TRIM66: variants seen among roughly 807,000 people sequenced by gnomAD.
TRIM66 encodes tripartite motif-containing protein 66.
A neutral mutation model predicts 148.2 loss-of-function variants in TRIM66; 99 were observed. The ratio of observed to expected loss-of-function variants is 0.67; its 90% CI spans 0.57 to 0.79. The LOEUF is 0.79. TRIM66 is among the 30% of genes least tolerant of loss of function. The pLI is 0.00. For synonymous variants in TRIM66, 616 were observed against 635.9 expected (o/e 0.97, Z 0.47); for missense variants, 1,666 against 1,697.9 (o/e 0.98, Z 0.33).
rs754414913 is a variant in TRIM66 at position 8,648,500 on chromosome 11, G to C, written c.641C>G (p.Thr214Arg). The C allele has an allele frequency of 1.3e-6, 2 of 1,551,714 alleles. No individual in the cohort carries two copies. The highest frequency in any genetic ancestry group is 1.7e-6 in the Non-Finnish European group (2 of 1,146,984). Reference sequence around the variant, plus strand: ...ACAGAATAGCTTGAGTACTTCCTGTGTGTGTAGAGGACAATACAAGGTGAA... The same window carrying C: ...ACAGAATAGCTTGAGTACTTCCTGTCTGTGTAGAGGACAATACAAGGTGAA... ...GDFTLYCPLH[T>R]QEVLKLFCET... is the part of the protein sequence containing the mutation. The change falls in exon 9 of 25, where the codon ACA (threonine) becomes AGA (arginine). Residue 214 changes from threonine (T) to arginine (R), a missense_variant. By Grantham distance (71) the Thr-to-Arg change is moderately conservative. This residue lies in a region of TRIM66 where 1,431 missense variants were observed against 1,412.4 expected (regional missense o/e 1.01). Transcript: ENST00000646038.
Position 8,679,714 on chromosome 11 carries a change from CGAT to C in TRIM66, c.-287_-285del, listed in dbSNP as rs1168539547. The C allele has an allele frequency of 2.6e-5, 4 of 152,644 alleles. No homozygotes were observed. The highest frequency in any genetic ancestry group is 9.7e-5 in the African/African-American group (4 of 41,438). 9.5% of individuals were successfully genotyped at this position (152,644 alleles called of 1,614,324 possible). On this transcript the variant is annotated 5_prime_UTR_variant, in exon 3 of 25. Coordinates refer to ENST00000646038, the MANE Select transcript of TRIM66 (RefSeq NM_001388022.1). ...GCCAGTTTTGATGTCAAATAGACGACGATGTCTTCTTTGATCTCCCCTCCTATT... is the reference window on the plus strand; with the variant it reads ...GCCAGTTTTGATGTCAAATAGACGACGTCTTCTTTGATCTCCCCTCCTATT...
Position 8,638,701 on chromosome 11 carries a change from G to T in TRIM66, c.2263C>A (p.Pro755Thr), listed in dbSNP as rs552361700. The stretch of plus-strand genomic sequence containing the variant: ...GAGTGCTGGATGGTGCTGTCCACTG[G>T]GGGGACACTGAGAGGGGTTTCTTCC... ...SGEETPLSVP[P>T]VDSTIQHSSP... The change falls in exon 15 of 25, where the codon CCA (proline) becomes ACA (threonine). Residue 755 changes from proline (P) to threonine (T), a missense_variant. Transcript: ENST00000646038. 2 of 1,549,566 alleles carry T rather than the reference G, an allele frequency of 1.3e-6. No individual in the cohort carries two copies. The highest frequency in any genetic ancestry group is 2.4e-5 in the South Asian group (2 of 83,878).
rs1483209145 is a variant in TRIM66, at chr11:8,613,387, A to G, written c.*4557T>C. ...TGGTGTGAAATGCTGCGGAGAGGTC[A>G]AGACAGCTGAGCACTGAAAGGTATT... On this transcript the variant is annotated 3_prime_UTR_variant, in exon 25 of 25. Coordinates refer to ENST00000646038, the MANE Select transcript of TRIM66 (RefSeq NM_001388022.1). The G allele has an allele frequency of 6.6e-6, 1 of 152,276 alleles. No homozygotes were observed. Among genetic ancestry groups the G allele is most frequent in the Non-Finnish European group, 1.5e-5 (1 of 68,074 alleles). 9.4% of individuals were successfully genotyped at this position (152,276 alleles called of 1,614,324 possible). A position where few individuals can be genotyped will look rare whatever the true frequency, so the allele number is the denominator to read the frequency against.
At chr11:8,644,131 C>G (rs1369139092) in intron 12 of TRIM66, among the ~76,000 whole-genome samples, 1 of 152,160 alleles carries the variant, frequency 6.6e-6, no homozygotes, top group Non-Finnish European at 1.5e-5. Context: ...TGTTCAACCT[C>G]TCCAAGCCCT....
At position 8,671,844 on chromosome 11, in the gene TRIM66, G is replaced by C; in HGVS notation, c.282C>G (p.Phe94Leu). The C allele has an allele frequency of 6.5e-7, 1 of 1,531,884 alleles. No individual in the cohort carries two copies. Among genetic ancestry groups the C allele is most frequent in the East Asian group, 2.4e-5 (1 of 40,902 alleles). The allele number at this position is 1,531,884 out of a possible 1,614,324, so 94.9% of individuals were successfully genotyped here. ...SCQHLLRKDC[F>L]QGLIQELGQI... ...GCCCTAGCTCCTGTATCAAGCCCTG[G>C]AAGCAGTCCTTACGGAGCAAATGCT... is the stretch of plus-strand genomic sequence containing the variant. Residue 94 changes from phenylalanine to leucine, a missense_variant, in exon 6 of 25, where the codon TTC becomes TTG. Transcript: ENST00000646038.
intron 15 of TRIM66, among the ~76,000 whole-genome samples, chr11:8,636,602 C>T (rs2035904030): frequency 6.6e-6 from 1 of 152,090 alleles, no homozygotes; most frequent in African/African-American, 2.4e-5. Context: ...AGGGCTTTCT[C>T]TGCCTTACCT....
rs1237361194 is a variant in TRIM66 at position 8,616,635 on chromosome 11, A to G, written c.*1309T>C. On this transcript the variant is annotated 3_prime_UTR_variant, in exon 25 of 25. Transcript: ENST00000646038. ...TCGAGCTCCTGTTCCCATGGCTTCCAGAATGCTTCTCTCTGCATTCTAGGA... is the reference window on the plus strand; with the variant it reads ...TCGAGCTCCTGTTCCCATGGCTTCCGGAATGCTTCTCTCTGCATTCTAGGA... The G allele has an allele frequency of 2.0e-5, 3 of 152,232 alleles. No individual in the cohort carries two copies. The highest frequency in any genetic ancestry group is 4.8e-5 in the African/African-American group (2 of 41,460). 9.4% of individuals were successfully genotyped at this position (152,232 alleles called of 1,614,324 possible).
upstream of TRIM66, chr11:8,682,755 C>T (rs200312442): frequency 3.7e-6 from 6 of 1,611,874 alleles, no homozygotes; most frequent in African/African-American, 2.7e-5. Context: ...GCCCCGCCCC[C>T]GTGGCCGATA....
At chr11:8,621,844 G>A in intron 18 of TRIM66, 25 bp from the exon 19 acceptor site, 1 of 1,512,854 alleles carries the variant, frequency 6.6e-7, no homozygotes, top group South Asian at 1.3e-5. Context: ...ACACCCCGGG[G>A]TCTTGGTGGG....
intron 13 of TRIM66, among the ~76,000 whole-genome samples, chr11:8,641,620 G>A (rs530801112): frequency 4.6e-5 from 7 of 152,112 alleles, no homozygotes; most frequent in East Asian, 3.9e-4. Flanking sequence ...CAAGTAGGAC[G>A]GAAGAGAGTG....
intron 3 of TRIM66, among the ~76,000 whole-genome samples, chr11:8,677,944 T>C (rs576517399): frequency 6.6e-6 from 1 of 152,316 alleles, no homozygotes; most frequent in South Asian, 2.1e-4. Flanking sequence ...GAAGAAAACC[T>C]CGCCTGATCC....
chr11:8,618,985 G>A lies in TRIM66; in HGVS notation c.3901-17C>T. On this transcript the variant is annotated splice_polypyrimidine_tract_variant and intron_variant, in intron 23 of 24. Transcript: ENST00000646038. ...GGAGTCAGGCTGATGGGGGAGGAGA[G>A]CAGTGATGGTCTAGCCTGTTTCTAC... 1 of 1,547,488 alleles carries A rather than the reference G, an allele frequency of 6.5e-7. No individual in the cohort carries two copies. Among genetic ancestry groups the A allele is most frequent in the Non-Finnish European group, 8.7e-7 (1 of 1,143,562 alleles).
rs1196975249 is a variant in TRIM66, at chr11:8,616,473, T to C, written c.*1471A>G. 6.6e-6 allele frequency: 1 copy of C among 152,200 alleles called. No homozygotes were observed. The highest frequency in any genetic ancestry group is 2.4e-5 in the African/African-American group (1 of 41,428). The allele number at this position is 152,200 out of a possible 1,614,324, so 9.4% of individuals were successfully genotyped here. Reference sequence around the variant, plus strand: ...GCTGTCTCAGTCCTGGCCACTGACATGTCAGGTTCATAGCTCCCCCAACAA... The same window carrying C: ...GCTGTCTCAGTCCTGGCCACTGACACGTCAGGTTCATAGCTCCCCCAACAA... On this transcript the variant is annotated 3_prime_UTR_variant, in exon 25 of 25. Coordinates refer to ENST00000646038, the MANE Select transcript of TRIM66 (RefSeq NM_001388022.1).
At chr11:8,631,431 T>C (rs1178483107) in intron 15 of TRIM66, among the ~76,000 whole-genome samples, 2 of 152,248 alleles carry the variant, frequency 1.3e-5, no homozygotes, top group African/African-American at 2.4e-5. Flanking sequence ...AAAAACATTA[T>C]TTCAAATGGG....
chr11:8,643,578 G>A (rs1003285456), intron 12 of TRIM66, among the ~76,000 whole-genome samples: 4 of 151,962 alleles, frequency 2.6e-5, no homozygotes, highest in East Asian at 1.9e-4. Context: ...TCCTGACCTC[G>A]TGATCTGCCC....
chr11:8,675,238 G>C (rs891485972), intron 3 of TRIM66, among the ~76,000 whole-genome samples: 2 of 152,210 alleles, frequency 1.3e-5, no homozygotes, highest in African/African-American at 4.8e-5. Context: ...TTGAGAAGCT[G>C]CCAAATTCAT....
intron 15 of TRIM66, among the ~76,000 whole-genome samples, chr11:8,636,496 C>A (rs1484303052): frequency 6.6e-6 from 1 of 152,060 alleles, no homozygotes; most frequent in Admixed American, 6.5e-5. Flanking sequence ...TAACTTCTTC[C>A]CCTAAATATG....
rs375104729 is a variant in TRIM66, at chr11:8,625,011, C to T, written c.2528G>A (p.Ser843Asn). 3 of 1,551,618 alleles carry T rather than the reference C, an allele frequency of 1.9e-6. No individual in the cohort carries two copies. The highest frequency in any genetic ancestry group is 3.9e-5 in the Admixed American group (2 of 50,992). Residue 843 changes from serine (S) to asparagine (N), a missense_variant, in exon 16 of 25, where the codon AGT (serine) becomes AAT (asparagine). By Grantham distance (46) the Ser-to-Asn change is conservative. Transcript: ENST00000646038. ...AAGGCTGGGCACAGTCTGTAGGTGA[C>T]TGGTTGTCAGGCTGGGCATGGCCTG... ...QNQAMPSLTT[S>N]HLQTVPSLVH... is the part of the protein sequence containing the mutation.
At chr11:8,651,939 C>T (rs973260683) in intron 6 of TRIM66, 36 bp from the exon 7 acceptor site, 1 of 1,509,642 alleles carries the variant, frequency 6.6e-7, no homozygotes. Flanking sequence ...GTCAGGGCAA[C>T]ATGGCTGATT....
Sources: gnomAD v4.1 joint callset for allele counts (sites outside exome capture counted in the v4.1 genomes callset) on GRCh38, gnomAD v4.1.1 for gene constraint, gnomAD v4.1.1 regional missense constraint, MANE v1.5 for transcripts, NCBI Gene and HGNC (gene_info 2026-07-23, HGNC 2026-07-21) for gene names.